Variants in BCAS3 observed in about 807,000 individuals in gnomAD.
The protein encoded by BCAS3 is BCAS3 microtubule associated cell migration factor.
BCAS3 carries 53 observed loss-of-function variants against 116.1 expected under a neutral mutation model. The ratio of observed to expected loss-of-function variants is 0.46; its 90% CI spans 0.37 to 0.57. The LOEUF (loss-of-function observed/expected upper bound fraction) is 0.57, where lower values mean the gene tolerates loss of function less well. BCAS3 is among the 20% of genes least tolerant of loss of function. The pLI is 0.00. For synonymous variants in BCAS3, 391 were observed against 408.2 expected (o/e 0.96, Z 0.51); for missense variants, 917 against 1,165.4 (o/e 0.79, Z 3.10).
chr17:60,870,166 G>A (rs545411651), intron 8 of BCAS3, among the ~76,000 whole-genome samples: 2 of 152,126 alleles, frequency 1.3e-5, no homozygotes, highest in Non-Finnish European at 2.9e-5. Flanking sequence ...TCAATAAATG[G>A]CACATATAAA....
rs1250348438 is a variant in BCAS3, at chr17:61,128,218, C to T, written c.2425+43654C>T. ...GAATAGTGTGAGTCAAGGATGAGTACATGAAGATGAAGCCCATGCAATGAG... is the reference window on the plus strand; with the variant it reads ...GAATAGTGTGAGTCAAGGATGAGTATATGAAGATGAAGCCCATGCAATGAG... On this transcript the variant is annotated intron_variant, in intron 22 of 23. Coordinates refer to ENST00000407086, the MANE Select transcript of BCAS3 (RefSeq NM_017679.5). This position sits in a 1 kb window ranked among gnomAD's most constrained non-coding sequence, Gnocchi z 4.1. 1.0e-6 allele frequency: 1 copy of T among 985,410 alleles called. No homozygotes were observed. The highest frequency in any genetic ancestry group is 1.2e-6 in the Non-Finnish European group (1 of 829,910). 61.0% of individuals were successfully genotyped at this position (985,410 alleles called of 1,614,324 possible).
intron 14 of BCAS3, among the ~76,000 whole-genome samples, chr17:60,988,694 A>C (rs1190445280): frequency 6.6e-6 from 1 of 152,094 alleles, no homozygotes; most frequent in Non-Finnish European, 1.5e-5. Context: ...AATTGCTCAT[A>C]GTAGCCTCTA....
chr17:61,138,065 T>G (rs1298405425), intron 22 of BCAS3, among the ~76,000 whole-genome samples: 2 of 152,216 alleles, frequency 1.3e-5, no homozygotes, highest in Non-Finnish European at 2.9e-5. Flanking sequence ...CCTGTGAGGC[T>G]GGTAATCTTT....
intron 22 of BCAS3, among the ~76,000 whole-genome samples, chr17:61,167,566 C>T (rs1054080949): frequency 1.7e-4 from 26 of 152,078 alleles, no homozygotes; most frequent in African/African-American, 6.0e-4. Context: ...TGTGCTATAC[C>T]CTGGACATTA....
In BCAS3 at chr17:60,990,635, A is replaced by T. The variant is rs948277246; in HGVS notation, c.1486+400A>T. Among the ~76,000 whole-genome samples the T allele has an allele frequency of 6.6e-6, 1 of 151,888 alleles. No homozygotes were observed. Among genetic ancestry groups the T allele is most frequent in the Admixed American group, 6.6e-5 (1 of 15,242 alleles). ...TAGTCATGGGTAATGTGTATTTTAGATAGAGCAGCATTTGCTTTTTTTTTT... is the reference window on the plus strand; with the variant it reads ...TAGTCATGGGTAATGTGTATTTTAGTTAGAGCAGCATTTGCTTTTTTTTTT... On this transcript the variant is annotated intron_variant, in intron 15 of 23. Transcript: ENST00000407086. The surrounding 1 kb of genome is among the most constrained non-coding windows in gnomAD (Gnocchi z 5.1).
At position 61,141,902 on chromosome 17, in the gene BCAS3, G is replaced by GAAA. The variant is rs34079272; in HGVS notation, c.2425+57354_2425+57356dup. Among the ~76,000 whole-genome samples the GAAA allele has an allele frequency of 0.014, 404 of 28,602 alleles. 4 individuals are homozygous for GAAA. The highest frequency in any genetic ancestry group is 0.018 in the African/African-American group (391 of 21,874). The allele number at this position is 28,602 out of a possible 152,430, so 18.8% of individuals were successfully genotyped here. ...GTGACAGAGCGAGACCCCACCTCAA[G>GAAA]AAAAAAAAAAAAAAAAAAGTTAGAC... On this transcript the variant is annotated intron_variant, in intron 22 of 23. Transcript: ENST00000407086. This position sits in a 1 kb window ranked among gnomAD's most constrained non-coding sequence, Gnocchi z 4.3.
intron 7 of BCAS3, among the ~76,000 whole-genome samples, chr17:60,811,823 G>A (rs1045564122): frequency 9.9e-5 from 15 of 152,274 alleles, no homozygotes; most frequent in Admixed American, 2.0e-4. Flanking sequence ...CAAGGCCAGC[G>A]GATCGCTTGA....
chr17:61,117,586 C>T (rs761845072), intron 22 of BCAS3, among the ~76,000 whole-genome samples: 8 of 152,062 alleles, frequency 5.3e-5, no homozygotes, highest in Non-Finnish European at 1.0e-4. Context: ...CACAGCAAGC[C>T]CCTGTCTCAA....
chr17:60,828,971 C>G (rs1459850719), intron 7 of BCAS3, among the ~76,000 whole-genome samples: 3 of 152,024 alleles, frequency 2.0e-5, no homozygotes. Flanking sequence ...GTCAAAGAAC[C>G]TGCTATACTG....
intron 5 of BCAS3, among the ~76,000 whole-genome samples, chr17:60,740,419 G>C (rs760275040): frequency 9.4e-5 from 14 of 149,634 alleles, no homozygotes; most frequent in Non-Finnish European, 1.5e-4. Flanking sequence ...AATCACTTGA[G>C]CCCAGGGGGG....
At position 61,211,091 on chromosome 17, in the gene BCAS3, C is replaced by T. The variant is rs115724667; in HGVS notation, c.2425+126527C>T. On this transcript the variant is annotated intron_variant, in intron 22 of 23. Coordinates refer to ENST00000407086, the MANE Select transcript of BCAS3 (RefSeq NM_017679.5). This position sits in a 1 kb window ranked among gnomAD's most constrained non-coding sequence, Gnocchi z 4.4. ...GGGACAGGAGAAAAGGCCTGAGGCA[C>T]GGGGGAGAAAAGGCAGTTGCAGATA... is the stretch of plus-strand genomic sequence containing the variant. Among the ~76,000 whole-genome samples the T allele has an allele frequency of 0.012, 1,802 of 151,978 alleles. 39 individuals carry two copies. Among genetic ancestry groups the T allele is most frequent in the African/African-American group, 0.042 (1,725 of 41,428 alleles).
intron 22 of BCAS3, among the ~76,000 whole-genome samples, chr17:61,190,111 CAAT>C (rs1313706711): frequency 6.6e-6 from 1 of 152,128 alleles, no homozygotes. Flanking sequence ...TAGTGGTTCT[CAAT>C]GATGAGGACA....
At chr17:60,841,902 T>C (rs1382319055) in intron 7 of BCAS3, among the ~76,000 whole-genome samples, 2 of 152,032 alleles carry the variant, frequency 1.3e-5, no homozygotes, top group African/African-American at 4.8e-5. Flanking sequence ...AAAGAGTCTC[T>C]AGTGATGGTG....
chr17:61,055,884 A>T (rs1212912584), intron 19 of BCAS3, among the ~76,000 whole-genome samples: 1 of 151,928 alleles, frequency 6.6e-6, no homozygotes, highest in Non-Finnish European at 1.5e-5. Flanking sequence ...GCATTTCCTG[A>T]TAGAGAACTA....
At chr17:61,005,188 G>C (rs185011749) in intron 15 of BCAS3, among the ~76,000 whole-genome samples, 8 of 152,218 alleles carry the variant, frequency 5.3e-5, no homozygotes, top group Admixed American at 5.2e-4. Context: ...TTTTACGTAC[G>C]TAGGTAAAGT....
intron 8 of BCAS3, among the ~76,000 whole-genome samples, chr17:60,869,292 C>A (rs2054897385): frequency 6.6e-6 from 1 of 152,154 alleles, no homozygotes; most frequent in Non-Finnish European, 1.5e-5. Context: ...GAGAAAGGAA[C>A]CTTAGGAATC....
rs2042050338 is a variant in BCAS3, at chr17:60,746,865, A to G, written c.322-333A>G. ...ATATTTAAGGTGAGATTTTCAGAGT[A>G]GTATTACAGTTGTTTTGTTCTCAAA... On this transcript the variant is annotated intron_variant, in intron 5 of 23. Coordinates refer to ENST00000407086, the MANE Select transcript of BCAS3 (RefSeq NM_017679.5). 2.6e-5 allele frequency among the ~76,000 whole-genome samples: 4 copies of G among 152,174 alleles called. No individual in the cohort carries two copies. In the South Asian group the frequency reaches 8.3e-4, roughly 32 times the overall value.
At position 61,084,601 on chromosome 17, in the gene BCAS3, C is replaced by T; in HGVS notation, c.2425+37C>T. 1 of 1,509,166 alleles carries T rather than the reference C, an allele frequency of 6.6e-7. No individual in the cohort carries two copies. The highest frequency in any genetic ancestry group is 1.1e-5 in the South Asian group (1 of 88,582). 93.5% of individuals were successfully genotyped at this position (1,509,166 alleles called of 1,614,324 possible). ...CCTCTGAAATATTTATTGGGCAGTCCTGTGCATTTTTAACTAATTTTCTCG... is the reference window on the plus strand; with the variant it reads ...CCTCTGAAATATTTATTGGGCAGTCTTGTGCATTTTTAACTAATTTTCTCG... On this transcript the variant is annotated intron_variant, in intron 22 of 23. Transcript: ENST00000407086. The surrounding 1 kb of genome is among the most constrained non-coding windows in gnomAD (Gnocchi z 5.5).
At chr17:61,184,905 C>T (rs1273615254) in intron 22 of BCAS3, among the ~76,000 whole-genome samples, 1 of 151,830 alleles carries the variant, frequency 6.6e-6, no homozygotes, top group African/African-American at 2.4e-5. Context: ...AGGTAGAATG[C>T]AGATCAGTGA....
Sources: gnomAD v4.1 joint callset for allele counts (sites outside exome capture counted in the v4.1 genomes callset) on GRCh38, gnomAD v4.1.1 for gene constraint, Gnocchi (gnomAD v3.1) non-coding constraint, MANE v1.5 for transcripts, NCBI Gene and HGNC (gene_info 2026-07-23, HGNC 2026-07-21) for gene names.